Variants in SETBP1 observed in about 807,000 individuals in gnomAD.
The protein encoded by SETBP1 is SET binding protein 1, also known as SET-binding protein.
SETBP1 carries 9 observed loss-of-function variants against 101.0 expected under a neutral mutation model. The ratio of observed to expected loss-of-function variants is 0.09; its 90% CI spans 0.05 to 0.16. The LOEUF is 0.16. SETBP1 is among the 10% of genes least tolerant of loss of function. The pLI, the probability that SETBP1 is intolerant of heterozygous loss-of-function variation, is 1.00. For synonymous variants in SETBP1, 818 were observed against 788.5 expected, an observed-to-expected ratio of 1.04 and a Z score of -0.63; for missense variants, 1,858 against 2,033.8, an observed-to-expected ratio of 0.91 and a Z score of 1.66.
chr18:44,711,404 C>T (rs1379220161), intron 2 of SETBP1, among the ~76,000 whole-genome samples: 1 of 147,556 alleles, frequency 6.8e-6, no homozygotes, highest in Non-Finnish European at 1.5e-5. Flanking sequence ...TCCTCTCTCC[C>T]TTCCTCCCTC....
intron 2 of SETBP1, among the ~76,000 whole-genome samples, chr18:44,850,321 G>T (rs2072823173): frequency 6.6e-6 from 1 of 152,120 alleles, no homozygotes; most frequent in African/African-American, 2.4e-5. Context: ...ATGCACCCAG[G>T]TCATGTGTAC....
chr18:44,806,710 C>T (rs946247597), intron 2 of SETBP1, among the ~76,000 whole-genome samples: 2 of 126,404 alleles, frequency 1.6e-5, no homozygotes, highest in Non-Finnish European at 3.1e-5. Flanking sequence ...GTTACATTGC[C>T]CAGGCTGGAG....
chr18:44,741,555 G>T (rs1201799904), intron 2 of SETBP1, among the ~76,000 whole-genome samples: 1 of 151,826 alleles, frequency 6.6e-6, no homozygotes, highest in Non-Finnish European at 1.5e-5. Context: ...TATTTATGAC[G>T]GTCATTGTTT....
chr18:44,903,213 A>G (rs1291850672), intron 3 of SETBP1, among the ~76,000 whole-genome samples: 1 of 152,106 alleles, frequency 6.6e-6, no homozygotes. Flanking sequence ...TTCCTATTCT[A>G]TTCCACATAA....
chr18:44,707,617 C>A (rs553791291), intron 2 of SETBP1, among the ~76,000 whole-genome samples: 1 of 152,324 alleles, frequency 6.6e-6, no homozygotes, highest in South Asian at 2.1e-4. Context: ...CATTCACAAT[C>A]TGCTTTTGAG....
chr18:44,801,256 T>C (rs925962931), intron 2 of SETBP1, among the ~76,000 whole-genome samples: 1 of 151,976 alleles, frequency 6.6e-6, no homozygotes, highest in Non-Finnish European at 1.5e-5. Flanking sequence ...ATTGTGCACA[T>C]GTACCCTAGA....
chr18:44,969,608 C>T (rs1419047120), intron 4 of SETBP1, among the ~76,000 whole-genome samples: 3 of 152,142 alleles, frequency 2.0e-5, no homozygotes, highest in Admixed American at 6.5e-5. Context: ...GAAAAGCAGG[C>T]GCACTTCCAT....
chr18:44,851,613 T>C (rs1248164182), intron 2 of SETBP1, among the ~76,000 whole-genome samples: 1 of 152,226 alleles, frequency 6.6e-6, no homozygotes, highest in African/African-American at 2.4e-5. Context: ...TCTCTTCCTT[T>C]TCCCCTCTCT....
chr18:44,937,702 A>G (rs2070994719), intron 3 of SETBP1, among the ~76,000 whole-genome samples: 1 of 152,132 alleles, frequency 6.6e-6, no homozygotes, highest in Non-Finnish European at 1.5e-5. Context: ...CTTGAGCTCC[A>G]CCTGGGAGCT....
chr18:44,774,130 G>A (rs2070941255), intron 2 of SETBP1, among the ~76,000 whole-genome samples: 1 of 152,068 alleles, frequency 6.6e-6, no homozygotes, highest in South Asian at 2.1e-4. Flanking sequence ...AAATTTGTTT[G>A]GTTTACTATG....
intron 2 of SETBP1, among the ~76,000 whole-genome samples, chr18:44,704,743 G>C (rs1353448264): frequency 1.3e-5 from 2 of 152,216 alleles, no homozygotes; most frequent in Admixed American, 1.3e-4. Context: ...GCATAAACTT[G>C]CAGAATTTAC....
intron 4 of SETBP1, chr18:44,987,288 C>T (rs1389332924): frequency 6.6e-6 from 1 of 152,174 alleles, no homozygotes; most frequent in Non-Finnish European, 1.5e-5. Context: ...CAGAGTTTTC[C>T]TGCTGACCAC....
At chr18:44,762,095 C>T (rs1323658708) in intron 2 of SETBP1, among the ~76,000 whole-genome samples, 1 of 151,960 alleles carries the variant, frequency 6.6e-6, no homozygotes, top group Admixed American at 6.6e-5. Flanking sequence ...CAAGGTTTAC[C>T]TCTCCCTTTG....
intron 2 of SETBP1, among the ~76,000 whole-genome samples, chr18:44,785,640 G>T (rs1185968419): frequency 6.6e-6 from 1 of 152,106 alleles, no homozygotes; most frequent in Non-Finnish European, 1.5e-5. Flanking sequence ...TAGAGAACAA[G>T]TGTTATTAAT....
intron 1 of SETBP1, among the ~76,000 whole-genome samples, chr18:44,698,957 T>C (rs375950128): frequency 9.8e-5 from 15 of 152,342 alleles, no homozygotes; most frequent in African/African-American, 3.6e-4. Flanking sequence ...TATTTCACTC[T>C]GAAGTGAATC....
chr18:45,017,109 G>T (rs2072963202), intron 4 of SETBP1, among the ~76,000 whole-genome samples: 1 of 152,060 alleles, frequency 6.6e-6, no homozygotes, highest in South Asian at 2.1e-4. Flanking sequence ...TGGCTATGGA[G>T]GCTTAATGTG....
In SETBP1 at chr18:44,857,955, T is replaced by C. The variant is rs1369000321; in HGVS notation, c.487-11275T>C. 2.0e-5 allele frequency among the ~76,000 whole-genome samples: 3 copies of C among 152,180 alleles called. No individual in the cohort carries two copies. The South Asian group carries it at 6.2e-4, about 32-fold the overall frequency. ...AGATTATTTTTAGCAAATGGATTGG[T>C]TGAGGCAGGATTGTATGAGACGCAA... On this transcript the variant is annotated intron_variant, in intron 2 of 5. Coordinates refer to ENST00000649279, the MANE Select transcript of SETBP1 (RefSeq NM_015559.3).
At chr18:44,742,969 C>CTA (rs1470939384) in intron 2 of SETBP1, among the ~76,000 whole-genome samples, 4 of 138,566 alleles carry the variant, frequency 2.9e-5, no homozygotes, top group African/African-American at 1.1e-4. Context: ...CTCTCTCTCT[C>CTA]TCCCCCCCTG....
Position 44,949,891 on chromosome 18 carries a change from G to A in SETBP1, c.551G>A (p.Arg184Lys). The change falls in exon 4 of 6, where the codon AGG becomes AAG. Residue 184 changes from arginine (R) to lysine (K), a missense_variant. By Grantham distance (26) the Arg-to-Lys change is conservative. This residue lies in a region of SETBP1 where 581 missense variants were observed against 535.1 expected (regional missense o/e 1.09). Coordinates refer to ENST00000649279, the MANE Select transcript of SETBP1 (RefSeq NM_015559.3). ...TCCACCCACCCTTAGGCTTACGAGA[G>A]GCCCCAGAAACATTCAACTCTCCAT... ...LKGFQPQAYE[R>K]PQKHSTLHYD... 1.2e-6 allele frequency: 2 copies of A among 1,613,312 alleles called. No homozygotes were observed. Among genetic ancestry groups the A allele is most frequent in the African/African-American group, 1.3e-5 (1 of 75,014 alleles).
Sources: gnomAD v4.1 joint callset for allele counts (sites outside exome capture counted in the v4.1 genomes callset) on GRCh38, gnomAD v4.1.1 for gene constraint, gnomAD v4.1.1 regional missense constraint, MANE v1.5 for transcripts, NCBI Gene and HGNC (gene_info 2026-07-23, HGNC 2026-07-21) for gene names.